ZNF783: variants seen among roughly 807,000 people sequenced by gnomAD.
ZNF783 encodes the protein protein ZNF783.
A neutral mutation model predicts 31.3 loss-of-function variants in ZNF783; 25 were observed. The observed-to-expected ratio is 0.80, with a 90% CI of 0.58 to 1.11. ZNF783 has a LOEUF of 1.11. Ranked by LOEUF, ZNF783 falls within the 50% of genes most tolerant of loss-of-function variation. ZNF783 has a pLI of 0.00. For missense variants in ZNF783, 797 were observed against 760.0 expected, an observed-to-expected ratio of 1.05 and a Z score of -0.57; for synonymous variants, 369 against 319.1, an observed-to-expected ratio of 1.16 and a Z score of -1.66.
rs568510861 is a variant in ZNF783 at position 149,278,388 on chromosome 7, A to G, written c.674-11A>G. 24 of 1,598,910 alleles carry G rather than the reference A, an allele frequency of 1.5e-5. No homozygotes were observed. The South Asian group carries it at 2.5e-4, about 17-fold the overall frequency. ...ATGTTGTGCTCAATGTCACTGATTTACATTCTCCAGGCCTCCCTCCGTATC... is the reference window on the plus strand; with the variant it reads ...ATGTTGTGCTCAATGTCACTGATTTGCATTCTCCAGGCCTCCCTCCGTATC... On this transcript the variant is annotated splice_polypyrimidine_tract_variant and intron_variant, in intron 4 of 5. Transcript: ENST00000434415.
Position 149,262,868 on chromosome 7 carries a change from G to T in ZNF783, c.24+511G>T, listed in dbSNP as rs530950697. Among the ~76,000 whole-genome samples, 5 of 152,354 alleles carry T rather than the reference G, an allele frequency of 3.3e-5. No individual in the cohort carries two copies. In the South Asian group the frequency reaches 1.0e-3, roughly 32 times the overall value. ...TCTACTTTTGCCAAAGAGAAAGATT[G>T]TGTCGTTTACAAGAGAGATAGTAGA... On this transcript the variant is annotated intron_variant, in intron 1 of 5. Transcript: ENST00000434415.
chr7:149,272,194 T>G (rs1241793142), intron 4 of ZNF783, among the ~76,000 whole-genome samples: 1 of 152,062 alleles, frequency 6.6e-6, no homozygotes, highest in African/African-American at 2.4e-5. Flanking sequence ...ATTTTCGTAT[T>G]AGCAGAGACG....
At position 149,281,956 on chromosome 7, in the gene ZNF783, C is replaced by A. The variant is rs3735313; in HGVS notation, c.1254C>A (p.Ser418=). 3 of 1,566,306 alleles carry A rather than the reference C, an allele frequency of 1.9e-6. No homozygotes were observed. Among genetic ancestry groups the A allele is most frequent in the Non-Finnish European group, 2.6e-6 (3 of 1,163,186 alleles). ...CCGAGGAGCCTGAGGGTCGCCGCTCCGTGGCAGGGGGCCGTGCCTTGGTGG... is the reference window on the plus strand; with the variant it reads ...CCGAGGAGCCTGAGGGTCGCCGCTCAGTGGCAGGGGGCCGTGCCTTGGTGG... The part of the protein sequence containing the change: ...WLPEEPEGRR[S]VAGGRALVGR... Residue 418 remains serine, a synonymous_variant, in exon 6 of 6, where the codon TCC becomes TCA. Transcript: ENST00000434415.
In ZNF783 at chr7:149,266,575, G is replaced by A. The variant is rs780007162; in HGVS notation, c.265G>A (p.Gly89Arg). Residue 89 changes from glycine (G) to arginine (R), a missense_variant, in exon 2 of 6, where the codon GGG (glycine) becomes AGG (arginine). Coordinates refer to ENST00000434415, the MANE Select transcript of ZNF783 (RefSeq NM_001195220.2). ...ADCEKTAVEF[G>R]NQLEGKWAVL... is the part of the protein sequence containing the mutation. ...CTGCGAGAAGACAGCTGTGGAGTTC[G>A]GGAACCAGCTGGAGGGCAAGTGGGC... 53 of 1,614,086 alleles carry A rather than the reference G, an allele frequency of 3.3e-5. 1 individual carries two copies. In the East Asian group the frequency reaches 8.2e-4, roughly 25 times the overall value.
chr7:149,264,404 C>G (rs1797012971), intron 1 of ZNF783, among the ~76,000 whole-genome samples: 1 of 152,074 alleles, frequency 6.6e-6, no homozygotes, highest in South Asian at 2.1e-4. Flanking sequence ...CCGGGTGGGT[C>G]CTCGGAATCC....
chr7:149,277,699 A>G (rs2129525110), intron 4 of ZNF783: 1 of 150,238 alleles, frequency 6.7e-6, no homozygotes, highest in South Asian at 2.1e-4. Flanking sequence ...GGATTGCGCC[A>G]CTGCACTCCA....
intron 4 of ZNF783, among the ~76,000 whole-genome samples, chr7:149,275,030 C>T (rs536693093): frequency 7.2e-5 from 11 of 152,204 alleles, no homozygotes; most frequent in Non-Finnish European, 1.3e-4. Flanking sequence ...AATCTATGAA[C>T]ATGGAATATC....
In ZNF783 at chr7:149,282,449, C is replaced by A; in HGVS notation, c.*106C>A. 1.9e-6 allele frequency: 2 copies of A among 1,033,308 alleles called. No homozygotes were observed. The highest frequency in any genetic ancestry group is 1.4e-6 in the Non-Finnish European group (1 of 740,254). 64.0% of individuals were successfully genotyped at this position (1,033,308 alleles called of 1,614,324 possible). A position where few individuals can be genotyped will look rare whatever the true frequency, so the allele number is the denominator to read the frequency against. Reference sequence around the variant, plus strand: ...GAGAGGTTTGTTGTTTTTACCCATTCAAATGGGAAGCTAGCTGCCCTTCTG... The same window carrying A: ...GAGAGGTTTGTTGTTTTTACCCATTAAAATGGGAAGCTAGCTGCCCTTCTG... On this transcript the variant is annotated 3_prime_UTR_variant, in exon 6 of 6. Coordinates refer to ENST00000434415, the MANE Select transcript of ZNF783 (RefSeq NM_001195220.2).
chr7:149,282,310 C>A lies in ZNF783; in HGVS notation c.1608C>A (p.Pro536=), dbSNP rs3735314. Residue 536 remains proline (P), a synonymous_variant, in exon 6 of 6, where the codon CCC becomes CCA. Transcript: ENST00000434415. ...CCCCCGCCCGCCACGGGAGCCTGCC[C>A]CTGCCCTGGCCCAGCCGGAAGGAGG... ...PAAPARHGSL[P]LPWPSRKEEG The A allele has an allele frequency of 0.039, 60,596 of 1,555,636 alleles. 1,437 individuals carry two copies. The highest frequency in any genetic ancestry group is 0.095 in the Admixed American group (5,117 of 53,814).
At chr7:149,280,232 C>T (rs971348311) in intron 5 of ZNF783, among the ~76,000 whole-genome samples, 2 of 152,254 alleles carry the variant, frequency 1.3e-5, no homozygotes, top group East Asian at 1.9e-4. Context: ...CGGGCAGAGG[C>T]GCCCCTCACC....
At chr7:149,279,656 A>AAT (rs1436713062) in intron 5 of ZNF783, among the ~76,000 whole-genome samples, 9 of 99,896 alleles carry the variant, frequency 9.0e-5, no homozygotes, top group Admixed American at 3.9e-4. Context: ...TTTTTTTTTA[A>AAT]TTTTTTTTTT....
Position 149,282,286 on chromosome 7 carries a change from C to T in ZNF783, c.1584C>T (p.Ala528=). The change falls in exon 6 of 6, where the codon GCC becomes GCT. Residue 528 remains alanine (A), a synonymous_variant. Transcript: ENST00000434415. ...RGQVGPHFPA[A]PARHGSLPLP... ...AGGTGGGCCCACACTTCCCTGCCGC[C>T]CCCGCCCGCCACGGGAGCCTGCCCC... The T allele has an allele frequency of 2.5e-6, 4 of 1,572,748 alleles. No homozygotes were observed. In the South Asian group the frequency reaches 4.5e-5, roughly 18 times the overall value.
intron 2 of ZNF783, 44 bp downstream of exon 2, chr7:149,266,774 G>C (rs1797082747): frequency 6.2e-7 from 1 of 1,613,698 alleles, no homozygotes; most frequent in African/African-American, 1.3e-5. Flanking sequence ...GAGGGGCTGA[G>C]CCTGTGAGCG....
In ZNF783 at chr7:149,266,513, A is replaced by T; in HGVS notation, c.203A>T (p.Glu68Val). 6.2e-7 allele frequency: 1 copy of T among 1,613,934 alleles called. No homozygotes were observed. The highest frequency in any genetic ancestry group is 2.2e-5 in the East Asian group (1 of 44,866). Residue 68 changes from glutamate to valine, a missense_variant, in exon 2 of 6, where the codon GAG (glutamate) becomes GTG (valine). By Grantham distance (121) the Glu-to-Val change is moderately radical (BLOSUM62 -2). Coordinates refer to ENST00000434415, the MANE Select transcript of ZNF783 (RefSeq NM_001195220.2). ...DSCLTRLLTLEGRTGTAEKKL... is the reference protein window; with the variant it reads ...DSCLTRLLTLVGRTGTAEKKL... ...TGCCTGACCCGCTTGCTGACTCTGG[A>T]GGGGCGCACGGGGACAGCCGAGAAG...
chr7:149,284,171 T>C lies in ZNF783; in HGVS notation c.*1828T>C, dbSNP rs1488596953. The C allele has an allele frequency of 6.6e-6, 1 of 152,078 alleles. No individual in the cohort carries two copies. The highest frequency in any genetic ancestry group is 1.5e-5 in the Non-Finnish European group (1 of 68,038). The allele number at this position is 152,078 out of a possible 1,614,324, so 9.4% of individuals were successfully genotyped here. ...GGTGTGGGTGACTCTGAAGCTGGAG[T>C]GATGGGACCCCAGCTATCCTTGTTT... On this transcript the variant is annotated 3_prime_UTR_variant, in exon 6 of 6. Transcript: ENST00000434415.
chr7:149,266,287 TGATTGTA>T, intron 1 of ZNF783, 41 bp from the exon 2 acceptor site: 2 of 1,467,638 alleles, frequency 1.4e-6, no homozygotes, highest in Non-Finnish European at 9.0e-7. Context: ...GTGGAAGTTT[TGATTGTA>T]TAATTCTCAT....
intron 4 of ZNF783, among the ~76,000 whole-genome samples, chr7:149,273,501 G>A (rs1407300332): frequency 6.6e-6 from 1 of 151,298 alleles, no homozygotes; most frequent in Non-Finnish European, 1.5e-5. Context: ...TTTGATGATC[G>A]ATTATGTTGA....
rs1478075764 is a variant in ZNF783, at chr7:149,283,970, C to G, written c.*1627C>G. The G allele has an allele frequency of 6.6e-6, 1 of 152,224 alleles. No individual in the cohort carries two copies. The highest frequency in any genetic ancestry group is 2.4e-5 in the African/African-American group (1 of 41,442). The allele number at this position is 152,224 out of a possible 1,614,324, so 9.4% of individuals were successfully genotyped here. A position where few individuals can be genotyped will look rare whatever the true frequency, so the allele number is the denominator to read the frequency against. ...CAGTGAAAGAGTCGCCCATGGGGCTCTGTTCCCCAGGAGTCCTTTGTATTT... is the reference window on the plus strand; with the variant it reads ...CAGTGAAAGAGTCGCCCATGGGGCTGTGTTCCCCAGGAGTCCTTTGTATTT... On this transcript the variant is annotated 3_prime_UTR_variant, in exon 6 of 6. Transcript: ENST00000434415.
intron 1 of ZNF783, among the ~76,000 whole-genome samples, chr7:149,264,648 G>A (rs1399936446): frequency 6.6e-6 from 1 of 152,190 alleles, no homozygotes; most frequent in Admixed American, 6.5e-5. Flanking sequence ...GCTGAGGCGG[G>A]CGGATCACAA....
Sources: gnomAD v4.1 joint callset for allele counts (sites outside exome capture counted in the v4.1 genomes callset) on GRCh38, gnomAD v4.1.1 for gene constraint, MANE v1.5 for transcripts, NCBI Gene and HGNC (gene_info 2026-07-23, HGNC 2026-07-21) for gene names.